Variants in WWOX observed in about 807,000 individuals in gnomAD.
WWOX encodes the protein WW domain containing oxidoreductase, also known as WW domain-containing oxidoreductase.
A neutral mutation model predicts 46.2 loss-of-function variants in WWOX; 69 were observed. The observed-to-expected ratio is 1.49, with a 90% CI of 1.23 to 1.82. The LOEUF (loss-of-function observed/expected upper bound fraction) is 1.82, where lower values mean the gene tolerates loss of function less well. WWOX is among the 40% of genes most tolerant of loss of function. The pLI is 0.00. For missense variants in WWOX, 919 were observed against 542.6 expected (o/e 1.69, Z -6.89); for synonymous variants, 359 against 202.6 (o/e 1.77, Z -6.56).
intron 8 of WWOX, among the ~76,000 whole-genome samples, chr16:78,631,410 C>G (rs1373390649): frequency 6.6e-6 from 1 of 152,144 alleles, no homozygotes; most frequent in Non-Finnish European, 1.5e-5. Flanking sequence ...GATATTCCAG[C>G]TATGGCAAAC....
At chr16:78,835,670 C>T (rs2051960267) in intron 8 of WWOX, among the ~76,000 whole-genome samples, 1 of 152,206 alleles carries the variant, frequency 6.6e-6, no homozygotes, top group Non-Finnish European at 1.5e-5. Flanking sequence ...CCTAAGAACA[C>T]ACAGCAGTTC....
At chr16:78,538,170 C>A (rs537296151) in intron 8 of WWOX, among the ~76,000 whole-genome samples, 8 of 141,266 alleles carry the variant, frequency 5.7e-5, no homozygotes, top group African/African-American at 1.6e-4. Flanking sequence ...ATTCTCTAGC[C>A]TTCTGAAGAA....
At chr16:79,083,114 G>A (rs2048790483) in intron 8 of WWOX, among the ~76,000 whole-genome samples, 1 of 152,144 alleles carries the variant, frequency 6.6e-6, no homozygotes, top group African/African-American at 2.4e-5. Context: ...ACACATTTAA[G>A]GAACTCCATA....
intron 4 of WWOX, among the ~76,000 whole-genome samples, chr16:78,126,326 A>T (rs944687066): frequency 6.6e-6 from 1 of 152,206 alleles, no homozygotes; most frequent in Admixed American, 6.5e-5. Context: ...TTGTTTTGTC[A>T]AACTGCCCTG....
At chr16:78,567,389 CAA>C (rs749420776) in intron 8 of WWOX, among the ~76,000 whole-genome samples, 6 of 138,636 alleles carry the variant, frequency 4.3e-5, no homozygotes, top group East Asian at 2.1e-4. Context: ...ACTAAAAATA[CAA>C]AAAAAAAAAA....
rs530113907 is a variant in WWOX, at chr16:79,176,363, A to T, written c.1057-35245A>T. 4.6e-5 allele frequency among the ~76,000 whole-genome samples: 7 copies of T among 152,242 alleles called. No individual in the cohort carries two copies. The South Asian group carries it at 1.2e-3, about 27-fold the overall frequency. On this transcript the variant is annotated intron_variant, in intron 8 of 8. Coordinates refer to ENST00000566780, the MANE Select transcript of WWOX (RefSeq NM_016373.4). The stretch of plus-strand genomic sequence containing the variant: ...TTCTTACCAGCCTTAACCTCATTCT[A>T]TTGGTAAGCACTAGTCACATGGCTA...
intron 5 of WWOX, among the ~76,000 whole-genome samples, chr16:78,368,446 T>A (rs1352666835): frequency 6.6e-6 from 1 of 152,168 alleles, no homozygotes; most frequent in Non-Finnish European, 1.5e-5. Flanking sequence ...TTTCCTGATG[T>A]ACCAAATGTA....
At chr16:79,056,215 C>CAAAAAAATAAAAAAAAAAA (rs2048259316) in intron 8 of WWOX, among the ~76,000 whole-genome samples, 1 of 139,132 alleles carries the variant, frequency 7.2e-6, no homozygotes, top group Non-Finnish European at 1.6e-5. Flanking sequence ...GTCACTAGAC[C>CAAAAAAATAAAAAAAAAAA]AAAAAAAAAA....
At chr16:78,532,797 C>T (rs1441104938) in intron 8 of WWOX, among the ~76,000 whole-genome samples, 1 of 152,120 alleles carries the variant, frequency 6.6e-6, no homozygotes, top group Admixed American at 6.5e-5. Context: ...TGGGAAAGAC[C>T]TGCCTCCATG....
At chr16:78,947,258 C>T (rs79822036) in intron 8 of WWOX, among the ~76,000 whole-genome samples, 1 of 152,124 alleles carries the variant, frequency 6.6e-6, no homozygotes, top group Non-Finnish European at 1.5e-5. Context: ...TATATTTTCT[C>T]AAGCCACTTA....
At chr16:78,598,380 T>G (rs2045539958) in intron 8 of WWOX, among the ~76,000 whole-genome samples, 1 of 152,174 alleles carries the variant, frequency 6.6e-6, no homozygotes, top group Admixed American at 6.6e-5. Context: ...GTAGACTGGG[T>G]TAAAATCGAG....
chr16:79,168,134 A>G (rs2050630764), intron 8 of WWOX, among the ~76,000 whole-genome samples: 1 of 152,118 alleles, frequency 6.6e-6, no homozygotes, highest in Non-Finnish European at 1.5e-5. Context: ...TCATCCATTG[A>G]TGGACATTTG....
intron 8 of WWOX, among the ~76,000 whole-genome samples, chr16:78,613,082 C>T (rs1357232181): frequency 1.3e-5 from 2 of 152,100 alleles, no homozygotes; most frequent in Non-Finnish European, 2.9e-5. Flanking sequence ...TTTAGTAACT[C>T]ATGGTTTCTG....
intron 5 of WWOX, among the ~76,000 whole-genome samples, chr16:78,327,118 G>C (rs1177955557): frequency 1.3e-5 from 2 of 152,150 alleles, no homozygotes; most frequent in African/African-American, 4.8e-5. Flanking sequence ...AAGTCCCTAA[G>C]TGACCCCACA....
chr16:78,818,328 C>G (rs1376866789), intron 8 of WWOX, among the ~76,000 whole-genome samples: 1 of 152,338 alleles, frequency 6.6e-6, no homozygotes, highest in East Asian at 1.9e-4. Flanking sequence ...CACCATCACC[C>G]TCTCCAGCAC....
chr16:78,115,252 A>G, intron 4 of WWOX, 98 bp downstream of exon 4: 1 of 1,400,068 alleles, frequency 7.1e-7, no homozygotes, highest in Non-Finnish European at 1.0e-6. Flanking sequence ...TCTCTGATTT[A>G]AACATGACTT....
chr16:78,109,789 G>GGATGGGAACAAGAAACT lies in WWOX; in HGVS notation c.189_205dup (p.Glu69GlyfsTer17). ...TTCTTGTGTTTCAGATTTGCCATAC[G>GGATGGGAACAAGAAACT]GATGGGAACAAGAAACTGATGAGAA... On this transcript the variant is annotated frameshift_variant, in exon 3 of 9. Transcript: ENST00000566780. LOFTEE classifies it high-confidence loss of function. 6.2e-7 allele frequency: 1 copy of GGATGGGAACAAGAAACT among 1,614,122 alleles called. No individual in the cohort carries two copies. The highest frequency in any genetic ancestry group is 2.2e-5 in the East Asian group (1 of 44,876).
At chr16:78,697,846 T>TGAAGGAGGTGCAATTGC (rs2048133705) in intron 8 of WWOX, among the ~76,000 whole-genome samples, 1 of 152,114 alleles carries the variant, frequency 6.6e-6, no homozygotes, top group Non-Finnish European at 1.5e-5. Context: ...GTCCTGACAA[T>TGAAGGAGGTGCAATTGC]ACCCCATGAA....
intron 5 of WWOX, among the ~76,000 whole-genome samples, chr16:78,183,624 T>C (rs1045384465): frequency 6.6e-6 from 1 of 152,194 alleles, no homozygotes; most frequent in African/African-American, 2.4e-5. Context: ...CAGTGCCTGG[T>C]TAGTGGCACA....
Sources: gnomAD v4.1 joint callset for allele counts (sites outside exome capture counted in the v4.1 genomes callset) on GRCh38, gnomAD v4.1.1 for gene constraint, MANE v1.5 for transcripts, NCBI Gene and HGNC (gene_info 2026-07-23, HGNC 2026-07-21) for gene names.